Variants in GNA12 observed in about 807,000 individuals in gnomAD.
GNA12 encodes the protein guanine nucleotide-binding protein subunit alpha-12.
In GNA12, 9 loss-of-function variants were observed where a neutral mutation model predicts 26.0. The ratio of observed to expected loss-of-function variants is 0.35; its 90% CI spans 0.21 to 0.60. The LOEUF is 0.60. GNA12 is among the 20% of genes least tolerant of loss of function. The pLI is 0.78. For synonymous variants in GNA12, 264 were observed against 219.6 expected (o/e 1.20, Z -1.79); for missense variants, 405 against 525.8 (o/e 0.77, Z 2.25).
intron 2 of GNA12, among the ~76,000 whole-genome samples, chr7:2,735,081 G>C (rs1157111803): frequency 2.0e-5 from 3 of 150,986 alleles, no homozygotes; most frequent in African/African-American, 7.3e-5. Flanking sequence ...ACCCTGACAG[G>C]AAGCAGCTGG....
chr7:2,812,758 A>G (rs184771685), intron 1 of GNA12, among the ~76,000 whole-genome samples: 5 of 145,604 alleles, frequency 3.4e-5, no homozygotes, highest in Middle Eastern at 3.8e-3. Context: ...CCAGGGCCAC[A>G]TGAAGGCACA....
chr7:2,737,278 T>TGTTTTG (rs1322016838), intron 2 of GNA12, among the ~76,000 whole-genome samples: 10 of 71,594 alleles, frequency 1.4e-4, no homozygotes, highest in African/African-American at 5.7e-4. Flanking sequence ...TGTTTTGTTT[T>TGTTTTG]TTTTTTTTTT....
intron 1 of GNA12, among the ~76,000 whole-genome samples, chr7:2,803,489 G>A (rs1038836781): frequency 2.6e-5 from 4 of 152,166 alleles, no homozygotes; most frequent in Admixed American, 1.3e-4. Context: ...AAAAGATGGA[G>A]AGATCCAAAA....
intron 2 of GNA12, among the ~76,000 whole-genome samples, chr7:2,767,820 G>C (rs1057206726): frequency 5.9e-5 from 9 of 152,132 alleles, no homozygotes; most frequent in African/African-American, 2.2e-4. Flanking sequence ...ACATAGATTT[G>C]TGTGTGTGAA....
At chr7:2,745,371 T>A (rs1377917996) in intron 2 of GNA12, among the ~76,000 whole-genome samples, 3 of 152,214 alleles carry the variant, frequency 2.0e-5, no homozygotes, top group Non-Finnish European at 4.4e-5. Flanking sequence ...TATTCAACAT[T>A]CTTAAAGAAA....
chr7:2,759,298 G>C (rs1200025200), intron 2 of GNA12, among the ~76,000 whole-genome samples: 1 of 152,092 alleles, frequency 6.6e-6, no homozygotes, highest in Non-Finnish European at 1.5e-5. Context: ...ACAGGCAAAA[G>C]GAAACAAAGC....
chr7:2,815,268 T>C (rs948448473), intron 1 of GNA12: 3 of 236,266 alleles, frequency 1.3e-5, no homozygotes, highest in Admixed American at 5.4e-5. Flanking sequence ...ATGAGGGCTG[T>C]TGGGGAAGGC....
chr7:2,821,478 T>G (rs1033640926), intron 1 of GNA12, among the ~76,000 whole-genome samples: 1 of 152,210 alleles, frequency 6.6e-6, no homozygotes. Context: ...ACAGAACTGC[T>G]TTAATCATCC....
At chr7:2,788,483 C>T (rs1207861512) in intron 2 of GNA12, among the ~76,000 whole-genome samples, 2 of 152,220 alleles carry the variant, frequency 1.3e-5, no homozygotes, top group African/African-American at 4.8e-5. Flanking sequence ...CAAGAAAAGA[C>T]ACAACTTATA....
chr7:2,800,397 G>T (rs1792780637), intron 1 of GNA12, among the ~76,000 whole-genome samples: 1 of 152,158 alleles, frequency 6.6e-6, no homozygotes, highest in Admixed American at 6.5e-5. Flanking sequence ...GACTGTGGTG[G>T]TGGTTACAGA....
chr7:2,822,540 G>A (rs117890603), intron 1 of GNA12, among the ~76,000 whole-genome samples: 5 of 152,122 alleles, frequency 3.3e-5, no homozygotes, highest in Admixed American at 1.3e-4. Flanking sequence ...GCCCAAGAGC[G>A]TGAGATCAGC....
intron 2 of GNA12, among the ~76,000 whole-genome samples, chr7:2,769,173 G>A (rs1245722503): frequency 6.6e-6 from 1 of 152,088 alleles, no homozygotes; most frequent in Non-Finnish European, 1.5e-5. Context: ...CAAAGTGCTG[G>A]GATTACAGGC....
intron 1 of GNA12, among the ~76,000 whole-genome samples, chr7:2,800,165 A>G (rs887380529): frequency 2.6e-5 from 4 of 152,250 alleles, no homozygotes; most frequent in Non-Finnish European, 5.9e-5. Flanking sequence ...ATGGGAGTTC[A>G]CTACGGAAAT....
intron 1 of GNA12, among the ~76,000 whole-genome samples, chr7:2,830,912 G>C (rs1352665808): frequency 2.0e-5 from 3 of 151,830 alleles, no homozygotes; most frequent in Non-Finnish European, 4.4e-5. Context: ...CTGCACATCA[G>C]CCTAGGTGAC....
chr7:2,767,107 G>A, intron 2 of GNA12, among the ~76,000 whole-genome samples: 1 of 152,336 alleles, frequency 6.6e-6, no homozygotes, highest in South Asian at 2.1e-4. Flanking sequence ...TTCTTGTTGA[G>A]TTGTAGGAGT....
chr7:2,733,631 G>A (rs1470189547), intron 2 of GNA12, 130 bp from the exon 3 acceptor site: 5 of 703,784 alleles, frequency 7.1e-6, no homozygotes, highest in Non-Finnish European at 1.3e-5. Flanking sequence ...AAGGAAAAAG[G>A]CAGAGAGTGT....
chr7:2,739,378 A>G lies in GNA12; in HGVS notation c.526-5877T>C, dbSNP rs115296995. Among the ~76,000 whole-genome samples, 198 of 152,274 alleles carry G rather than the reference A, an allele frequency of 1.3e-3. 2 individuals are homozygous for G. Among genetic ancestry groups the G allele is most frequent in the African/African-American group, 4.4e-3 (184 of 41,558 alleles). On this transcript the variant is annotated intron_variant, in intron 2 of 3. Coordinates refer to ENST00000275364, the MANE Select transcript of GNA12 (RefSeq NM_007353.3). ...ATCTCTCATTGGAGCGCATTCACAC[A>G]GCATGCAGCCCTTTGTGTCTGGTTC...
At chr7:2,814,507 G>A (rs1793168002) in intron 1 of GNA12, 3 of 729,720 alleles carry the variant, frequency 4.1e-6, no homozygotes, top group Non-Finnish European at 4.8e-6. Context: ...CACAAACCAA[G>A]ACTTTGAGGA....
intron 1 of GNA12, among the ~76,000 whole-genome samples, chr7:2,815,692 G>GTGGTGCTCCCTGGAGCC (rs1263281907): frequency 5.3e-5 from 8 of 151,994 alleles, no homozygotes; most frequent in Non-Finnish European, 7.4e-5. Flanking sequence ...CTGACCCAGC[G>GTGGTGCTCCCTGGAGCC]TGGTGCTCCC....
Sources: gnomAD v4.1 joint callset for allele counts (sites outside exome capture counted in the v4.1 genomes callset) on GRCh38, gnomAD v4.1.1 for gene constraint, MANE v1.5 for transcripts, NCBI Gene and HGNC (gene_info 2026-07-23, HGNC 2026-07-21) for gene names.